Variants in DNAJC25 observed in about 807,000 individuals in gnomAD.
The protein encoded by DNAJC25 is dnaJ homolog subfamily C member 25.
DNAJC25 carries 26 observed loss-of-function variants against 42.1 expected under a neutral mutation model. The observed-to-expected ratio is 0.62, with a 90% CI of 0.45 to 0.86. DNAJC25 has a LOEUF of 0.86. Among genes scored for constraint, DNAJC25 ranks in the 40% least tolerant of loss-of-function variants. The pLI, the probability that DNAJC25 is intolerant of heterozygous loss-of-function variation, is 0.00. For missense variants in DNAJC25, 404 were observed against 459.4 expected, an observed-to-expected ratio of 0.88 and a Z score of 1.10; for synonymous variants, 189 against 179.9, an observed-to-expected ratio of 1.05 and a Z score of -0.40.
chr9:111,650,322 G>A (rs867797028), intron 3 of DNAJC25, among the ~76,000 whole-genome samples: 1 of 148,872 alleles, frequency 6.7e-6, no homozygotes, highest in Admixed American at 6.7e-5. Flanking sequence ...AAACAACAGA[G>A]TAAGACGTGG....
At chr9:111,640,848 C>G (rs1383249878) in intron 1 of DNAJC25, among the ~76,000 whole-genome samples, 1 of 128,176 alleles carries the variant, frequency 7.8e-6, no homozygotes, top group Non-Finnish European at 1.6e-5. Flanking sequence ...GGGGGCCAGC[C>G]CCCCGCCCGG....
At position 111,647,251 on chromosome 9, in the gene DNAJC25, G is replaced by T; in HGVS notation, c.481G>T (p.Val161Leu). 6.2e-7 allele frequency: 1 copy of T among 1,614,064 alleles called. No individual in the cohort carries two copies. Among genetic ancestry groups the T allele is most frequent in the Non-Finnish European group, 8.5e-7 (1 of 1,179,990 alleles). ...VILVSVCAIS[V>L]FQFFSWWNSY... ...TTTGGTCAGCGTGTGTGCTATTTCG[G>T]TGTTTCAGGTATGTATCAATGGATA... Residue 161 changes from valine (V) to leucine (L), a missense_variant, in exon 2 of 4, where the codon GTG becomes TTG. Coordinates refer to ENST00000313525, the MANE Select transcript of DNAJC25 (RefSeq NM_001015882.3).
In DNAJC25 at chr9:111,642,876, G is replaced by A. The variant is rs2273789; in HGVS notation, c.337-4231G>A. On this transcript the variant is annotated intron_variant, in intron 1 of 3. Transcript: ENST00000313525. Reference sequence around the variant, plus strand: ...TTCCAGTCCTCCTGCATATGCCCAAGAGGATTGGGAGTGGAATGGACACCA... The same window carrying A: ...TTCCAGTCCTCCTGCATATGCCCAAAAGGATTGGGAGTGGAATGGACACCA... 4.0e-5 allele frequency: 19 copies of A among 471,104 alleles called. 1 individual carries two copies. In the East Asian group the frequency reaches 1.0e-3, roughly 26 times the overall value. 29.2% of individuals were successfully genotyped at this position (471,104 alleles called of 1,614,324 possible).
At position 111,637,883 on chromosome 9, in the gene DNAJC25, G is replaced by A. The variant is rs182186911; in HGVS notation, c.336+6140G>A. Among the ~76,000 whole-genome samples the A allele has an allele frequency of 2.7e-4, 41 of 152,176 alleles. No individual in the cohort carries two copies. In the East Asian group the frequency reaches 5.2e-3, roughly 19 times the overall value. ...TCGCCATTTCTTTTCAGTCTTTATC[G>A]TCTTTTCTACTATCTACCCCTTAAG... is the stretch of plus-strand genomic sequence containing the variant. On this transcript the variant is annotated intron_variant, in intron 1 of 3. Transcript: ENST00000313525.
At chr9:111,639,548 G>A (rs1830412736) in intron 1 of DNAJC25, among the ~76,000 whole-genome samples, 1 of 151,976 alleles carries the variant, frequency 6.6e-6, no homozygotes, top group Non-Finnish European at 1.5e-5. Context: ...AGTTGCACTA[G>A]TGACTAGTGG....
intron 2 of DNAJC25, 66 bp from the exon 3 acceptor site, chr9:111,649,387 C>T: frequency 1.4e-6 from 2 of 1,460,370 alleles, no homozygotes; most frequent in South Asian, 3.0e-5. Flanking sequence ...GAGACTCTAT[C>T]ATTCCTTTAA....
rs1252034172 is a variant in DNAJC25, at chr9:111,631,631, G to A, written c.224G>A (p.Arg75His). The change falls in exon 1 of 4, where the codon CGC (arginine) becomes CAC (histidine). Residue 75 changes from arginine (R) to histidine (H), a missense_variant. Physicochemically the swap from Arg to His is conservative, Grantham distance 29. Transcript: ENST00000313525. ...IARAYRQLAR[R>H]YHPDRYRPQP... is the part of the protein sequence containing the mutation. ...CGGGCCTACCGCCAGCTGGCCCGGCGCTACCACCCTGACCGCTACCGGCCC... is the reference window on the plus strand; with the variant it reads ...CGGGCCTACCGCCAGCTGGCCCGGCACTACCACCCTGACCGCTACCGGCCC... 2 of 1,501,078 alleles carry A rather than the reference G, an allele frequency of 1.3e-6. No homozygotes were observed. The highest frequency in any genetic ancestry group is 4.4e-5 in the Admixed American group (2 of 45,838). 93.0% of individuals were successfully genotyped at this position (1,501,078 alleles called of 1,614,324 possible).
In DNAJC25 at chr9:111,631,554, CT is replaced by C; in HGVS notation, c.148del (p.Cys50AlafsTer7). 1 of 1,400,574 alleles carries C rather than the reference CT, an allele frequency of 7.1e-7. No individual in the cohort carries two copies. Among genetic ancestry groups the C allele is most frequent in the Admixed American group, 3.4e-5 (1 of 29,066 alleles). The allele number at this position is 1,400,574 out of a possible 1,614,324, so 86.8% of individuals were successfully genotyped here. A position where few individuals can be genotyped will look rare whatever the true frequency, so the allele number is the denominator to read the frequency against. On this transcript the variant is annotated frameshift_variant, in exon 1 of 4. Coordinates refer to ENST00000313525, the MANE Select transcript of DNAJC25 (RefSeq NM_001015882.3). LOFTEE classifies it high-confidence loss of function. ...AGGGGCTCTACTGCGGCACGCGGGA[CT>C]GCTACGAGGTGCTGGGCGTGAGCCG... is the stretch of plus-strand genomic sequence containing the variant. ...VEGLYCGTRD[C>X]YEVLGVSRSA... is the part of the protein sequence containing the mutation.
At chr9:111,648,621 T>C (rs1343062103) in intron 2 of DNAJC25, among the ~76,000 whole-genome samples, 1 of 152,170 alleles carries the variant, frequency 6.6e-6, no homozygotes, top group Non-Finnish European at 1.5e-5. Flanking sequence ...GGTGGTATGT[T>C]TAAAATGTGT....
intron 1 of DNAJC25, among the ~76,000 whole-genome samples, chr9:111,639,420 G>C (rs1257060295): frequency 6.6e-6 from 1 of 152,198 alleles, no homozygotes; most frequent in Non-Finnish European, 1.5e-5. Context: ...ACATAGTTGA[G>C]AATAGGAGGA....
chr9:111,638,547 G>A (rs572847163), intron 1 of DNAJC25, among the ~76,000 whole-genome samples: 1 of 152,170 alleles, frequency 6.6e-6, no homozygotes, highest in East Asian at 1.9e-4. Flanking sequence ...TCTTCCACAA[G>A]TTTTCCTTGC....
At chr9:111,646,202 G>A (rs867485564) in intron 1 of DNAJC25, among the ~76,000 whole-genome samples, 5 of 151,938 alleles carry the variant, frequency 3.3e-5, no homozygotes, top group African/African-American at 1.2e-4. Context: ...AATGTAATAG[G>A]TTTCCTGTGA....
intron 1 of DNAJC25, among the ~76,000 whole-genome samples, chr9:111,638,320 A>T (rs1336269873): frequency 1.3e-5 from 2 of 151,756 alleles, no homozygotes; most frequent in East Asian, 3.8e-4. Flanking sequence ...GAAAATACCT[A>T]CCAAGCAATA....
Position 111,649,921 on chromosome 9 carries a change from G to T in DNAJC25, c.958G>T (p.Glu320Ter). 6.4e-7 allele frequency: 1 copy of T among 1,560,886 alleles called. No individual in the cohort carries two copies. Among genetic ancestry groups the T allele is most frequent in the Non-Finnish European group, 8.6e-7 (1 of 1,160,328 alleles). ...KRELWIKENYEVYKQEQEEEL... is the reference protein window; with the variant it reads ...KRELWIKENY ...AGAGCTCTGGATCAAGGAGAATTAT[G>T]AGGTGAGTAGTCACCCTGCTGTGAT... The change falls in exon 3 of 4, where the codon GAG (glutamate) becomes TAG (stop). Residue 320 changes from glutamate to a stop codon, truncating the protein, a stop_gained and splice_region_variant. Coordinates refer to ENST00000313525, the MANE Select transcript of DNAJC25 (RefSeq NM_001015882.3). LOFTEE classifies it high-confidence loss of function.
chr9:111,640,173 C>G (rs1230830177), intron 1 of DNAJC25, among the ~76,000 whole-genome samples: 2 of 151,638 alleles, frequency 1.3e-5, no homozygotes, highest in African/African-American at 4.8e-5. Flanking sequence ...AGTGATCCGC[C>G]AACCTCGGCC....
At chr9:111,642,938 A>T (rs1409460867) in intron 1 of DNAJC25, 8 of 470,978 alleles carry the variant, frequency 1.7e-5, no homozygotes, top group Non-Finnish European at 3.5e-5. Flanking sequence ...GAGATTAGAA[A>T]CAAGGAGCTT....
At chr9:111,634,403 A>G (rs1477882500) in intron 1 of DNAJC25, among the ~76,000 whole-genome samples, 1 of 152,176 alleles carries the variant, frequency 6.6e-6, no homozygotes, top group Non-Finnish European at 1.5e-5. Flanking sequence ...AGGTCATCCA[A>G]TTTGGAGGGC....
chr9:111,631,426 T>C lies in DNAJC25; in HGVS notation c.19T>C (p.Ser7Pro). The C allele has an allele frequency of 1.5e-6, 2 of 1,292,374 alleles. No individual in the cohort carries two copies. The highest frequency in any genetic ancestry group is 9.8e-7 in the Non-Finnish European group (1 of 1,024,920). 80.1% of individuals were successfully genotyped at this position (1,292,374 alleles called of 1,614,324 possible). A position where few individuals can be genotyped will look rare whatever the true frequency, so the allele number is the denominator to read the frequency against. Reference sequence around the variant, plus strand: ...GCTGGGGATGGGGGCGCCGCTGCTCTCTCCCGGCTGGGGAGCCGGGGCTGC... The same window carrying C: ...GCTGGGGATGGGGGCGCCGCTGCTCCCTCCCGGCTGGGGAGCCGGGGCTGC... MGAPLL[S>P]PGWGAGAAGR... Residue 7 changes from serine (S) to proline (P), a missense_variant, in exon 1 of 4, where the codon TCT becomes CCT. Transcript: ENST00000313525.
chr9:111,638,206 A>C (rs1830391981), intron 1 of DNAJC25, among the ~76,000 whole-genome samples: 1 of 152,248 alleles, frequency 6.6e-6, no homozygotes, highest in African/African-American at 2.4e-5. Context: ...TTTATTTAAC[A>C]TATTAATCAA....
Sources: gnomAD v4.1 joint callset for allele counts (sites outside exome capture counted in the v4.1 genomes callset) on GRCh38, gnomAD v4.1.1 for gene constraint, MANE v1.5 for transcripts, NCBI Gene and HGNC (gene_info 2026-07-23, HGNC 2026-07-21) for gene names.